Variants in NR2F1-AS1 observed in about 807,000 individuals in gnomAD.
The protein encoded by NR2F1-AS1 is NR2F1 antisense RNA 1.
At chr5:93,568,440 A>C (rs2149925179) in intron 1 of NR2F1-AS1, among the ~76,000 whole-genome samples, 1 of 152,342 alleles carries the variant, frequency 6.6e-6, no homozygotes, top group Middle Eastern at 3.4e-3. Flanking sequence ...TCCTTGATGA[A>C]AACTAATGGC....
intron 4 of NR2F1-AS1, among the ~76,000 whole-genome samples, chr5:93,463,328 G>C (rs2149864880): frequency 6.6e-6 from 1 of 152,338 alleles, no homozygotes; most frequent in East Asian, 1.9e-4. Flanking sequence ...CAGAAGTAAA[G>C]AACTGAGGTT....
At chr5:93,503,068 G>C (rs1271680302) in intron 4 of NR2F1-AS1, among the ~76,000 whole-genome samples, 1 of 152,094 alleles carries the variant, frequency 6.6e-6, no homozygotes, top group Non-Finnish European at 1.5e-5. Flanking sequence ...TTCTAGTTTT[G>C]ACTCTGAAAC....
chr5:93,570,865 C>A (rs1014805174), intron 1 of NR2F1-AS1: 1 of 152,240 alleles, frequency 6.6e-6, no homozygotes, highest in East Asian at 1.9e-4. Flanking sequence ...GGATCCGCTC[C>A]CTGCGGGGCC....
At chr5:93,577,982 C>T (rs1752933404) in intron 1 of NR2F1-AS1, among the ~76,000 whole-genome samples, 1 of 152,316 alleles carries the variant, frequency 6.6e-6, no homozygotes, top group Non-Finnish European at 1.5e-5. Context: ...AATGTTTTTA[C>T]AAGGCCACTT....
At chr5:93,444,258 A>T (rs1362279194) in intron 4 of NR2F1-AS1, among the ~76,000 whole-genome samples, 2 of 152,230 alleles carry the variant, frequency 1.3e-5, no homozygotes, top group Admixed American at 1.3e-4. Flanking sequence ...AGACTGGCAA[A>T]TTGGATAAAG....
chr5:93,443,873 AG>A (rs1749630337), intron 4 of NR2F1-AS1, among the ~76,000 whole-genome samples: 1 of 152,244 alleles, frequency 6.6e-6, no homozygotes, highest in Non-Finnish European at 1.5e-5. Flanking sequence ...TCTACAAGCC[AG>A]AAGAGAGTGG....
chr5:93,439,725 A>T (rs907150361), intron 4 of NR2F1-AS1, among the ~76,000 whole-genome samples: 2 of 152,206 alleles, frequency 1.3e-5, no homozygotes, highest in Non-Finnish European at 2.9e-5. Flanking sequence ...TGCCTTGAAC[A>T]GATTTTCTTG....
At chr5:93,453,119 A>G (rs1309931378) in intron 4 of NR2F1-AS1, among the ~76,000 whole-genome samples, 1 of 152,180 alleles carries the variant, frequency 6.6e-6, no homozygotes, top group East Asian at 1.9e-4. Context: ...TGAAGAAATA[A>G]TGAAGATATT....
At chr5:93,449,171 A>G (rs1749778054) in intron 4 of NR2F1-AS1, among the ~76,000 whole-genome samples, 1 of 152,204 alleles carries the variant, frequency 6.6e-6, no homozygotes. Context: ...AGTTACATAC[A>G]CTAATATATA....
At chr5:93,492,117 T>A (rs1301984123) in intron 4 of NR2F1-AS1, among the ~76,000 whole-genome samples, 1 of 152,176 alleles carries the variant, frequency 6.6e-6, no homozygotes, top group African/African-American at 2.4e-5. Context: ...AGCAGAGATA[T>A]TAGTATTGAC....
At position 93,473,701 on chromosome 5, in the gene NR2F1-AS1, T is replaced by TAC. The variant is rs984274698; in HGVS notation, n.639-78161_639-78160dup. ...TAAAGACCAAACACACACACACACA[T>TAC]ACACACACACACTCAAATCCCTTTT... is the stretch of plus-strand genomic sequence containing the variant. On this transcript the variant is annotated intron_variant and non_coding_transcript_variant, in intron 4 of 5. Coordinates refer to ENST00000660523, the Ensembl canonical transcript of NR2F1-AS1. Among the ~76,000 whole-genome samples the TAC allele has an allele frequency of 2.4e-4, 36 of 150,556 alleles. 1 individual carries two copies. In the East Asian group the frequency reaches 3.7e-3, roughly 15 times the overall value.
chr5:93,450,787 G>A lies in NR2F1-AS1; in HGVS notation n.639-55245C>T, dbSNP rs1293301575. 2.0e-5 allele frequency among the ~76,000 whole-genome samples: 3 copies of A among 151,962 alleles called. No homozygotes were observed. The East Asian group carries it at 5.8e-4, about 29-fold the overall frequency. ...TACTCAAGAGCAAGATACAGGCCAG[G>A]TGCAGTGGCTCACGCCTGTAATCCC... On this transcript the variant is annotated intron_variant and non_coding_transcript_variant, in intron 4 of 5. Coordinates refer to ENST00000660523, the Ensembl canonical transcript of NR2F1-AS1.
chr5:93,544,415 G>A (rs1453778478), intron 4 of NR2F1-AS1, among the ~76,000 whole-genome samples: 1 of 151,946 alleles, frequency 6.6e-6, no homozygotes, highest in Non-Finnish European at 1.5e-5. Context: ...TAATTATATG[G>A]GTTGGCACAT....
chr5:93,534,217 G>A (rs959868942), intron 4 of NR2F1-AS1, among the ~76,000 whole-genome samples: 3 of 152,112 alleles, frequency 2.0e-5, no homozygotes, highest in Non-Finnish European at 4.4e-5. Context: ...TGAGTCTCAC[G>A]ATTACCCTGT....
chr5:93,469,895 A>G (rs1750330247), intron 4 of NR2F1-AS1, among the ~76,000 whole-genome samples: 1 of 152,048 alleles, frequency 6.6e-6, no homozygotes, highest in South Asian at 2.1e-4. Flanking sequence ...TCAGTGACAT[A>G]TATTTAATAG....
chr5:93,480,151 A>T (rs1366450967), intron 4 of NR2F1-AS1, among the ~76,000 whole-genome samples: 2 of 152,174 alleles, frequency 1.3e-5, no homozygotes, highest in African/African-American at 2.4e-5. Context: ...ATGTGATGCT[A>T]CACATCCAGG....
In NR2F1-AS1 at chr5:93,577,130, C is replaced by T. The variant is rs532152346; in HGVS notation, n.313+3337G>A. 2.8e-4 allele frequency among the ~76,000 whole-genome samples: 42 copies of T among 152,372 alleles called. No homozygotes were observed. In the South Asian group the frequency reaches 8.1e-3, roughly 29 times the overall value. On this transcript the variant is annotated intron_variant and non_coding_transcript_variant, in intron 1 of 5. Coordinates refer to ENST00000660523, the Ensembl canonical transcript of NR2F1-AS1. ...CTCGATTTGCATCCAAAGGTCAGTG[C>T]TTGCTCTCCTGCCGTCCTTCCTCCT...
chr5:93,435,280 T>A (rs988806267), intron 4 of NR2F1-AS1, among the ~76,000 whole-genome samples: 1 of 152,208 alleles, frequency 6.6e-6, no homozygotes, highest in African/African-American at 2.4e-5. Flanking sequence ...TTGAAATCAT[T>A]ATTCTCATTA....
intron 4 of NR2F1-AS1, among the ~76,000 whole-genome samples, chr5:93,482,372 A>C (rs1258076667): frequency 6.6e-6 from 1 of 152,146 alleles, no homozygotes; most frequent in Non-Finnish European, 1.5e-5. Flanking sequence ...CCCCTAGCCA[A>C]GGGAAGCTGT....
Sources: gnomAD v4.1 joint callset for allele counts (sites outside exome capture counted in the v4.1 genomes callset) on GRCh38, gnomAD v4.1.1 for gene constraint, MANE v1.5 for transcripts, NCBI Gene and HGNC (gene_info 2026-07-23, HGNC 2026-07-21) for gene names.